Variants in OSBPL6 observed in about 807,000 individuals in gnomAD.
OSBPL6 encodes the protein oxysterol binding protein like 6, also known as oxysterol-binding protein-related protein 6.
In OSBPL6, 49 loss-of-function variants were observed where a neutral mutation model predicts 125.8. That is an observed-to-expected ratio of 0.39 (90% CI 0.31 to 0.49). The LOEUF is 0.49. Ranked by LOEUF, OSBPL6 falls within the 20% of genes least tolerant of loss-of-function variation. The probability of loss-of-function intolerance (pLI) is 0.88; values close to 1 mark genes in which losing one functional copy is unlikely to be tolerated. For missense variants in OSBPL6, 986 were observed against 1,135.4 expected, an observed-to-expected ratio of 0.87 and a Z score of 1.89; for synonymous variants, 394 against 391.8, an observed-to-expected ratio of 1.01 and a Z score of -0.07.
chr2:178,366,144 G>T (rs796371264), intron 13 of OSBPL6, among the ~76,000 whole-genome samples: 1 of 152,098 alleles, frequency 6.6e-6, no homozygotes, highest in Non-Finnish European at 1.5e-5. Context: ...CTCCCACCTC[G>T]GACTCCCGAA....
At position 178,400,679 on chromosome 2, in the gene OSBPL6, A is replaced by G. The variant is rs2154122948; in HGVS notation, c.*5120A>G. 6.6e-6 allele frequency: 1 copy of G among 152,366 alleles called. No individual in the cohort carries two copies. Among genetic ancestry groups the G allele is most frequent in the South Asian group, 2.1e-4 (1 of 4,832 alleles). The allele number at this position is 152,366 out of a possible 1,614,324, so 9.4% of individuals were successfully genotyped here. On this transcript the variant is annotated 3_prime_UTR_variant, in exon 25 of 25. Transcript: ENST00000190611. ...ACTTGATACAGTTTGATGTATGTAT[A>G]TACCCTTGACATAATCAAAATAGTG...
chr2:178,344,508 C>G (rs1690518705), intron 11 of OSBPL6: 2 of 707,480 alleles, frequency 2.8e-6, no homozygotes. Flanking sequence ...TGTTCTCTGG[C>G]TGTCTTTGCA....
intron 5 of OSBPL6, among the ~76,000 whole-genome samples, chr2:178,330,010 T>C (rs866088833): frequency 6.6e-6 from 1 of 152,212 alleles, no homozygotes; most frequent in Non-Finnish European, 1.5e-5. Context: ...AGAAACGATC[T>C]TTCCTGAACC....
chr2:178,340,931 C>G (rs904923289), intron 11 of OSBPL6, among the ~76,000 whole-genome samples: 6 of 152,042 alleles, frequency 3.9e-5, no homozygotes, highest in African/African-American at 1.4e-4. Flanking sequence ...TCAATAAACA[C>G]AACTTTTTGT....
intron 11 of OSBPL6, chr2:178,344,486 A>G (rs938331771): frequency 4.0e-5 from 34 of 853,758 alleles, no homozygotes; most frequent in Non-Finnish European, 5.9e-5. Context: ...TCATGGCAGC[A>G]TAGCTTTCAC....
At chr2:178,292,551 C>G (rs1685382668) in intron 2 of OSBPL6, among the ~76,000 whole-genome samples, 1 of 152,160 alleles carries the variant, frequency 6.6e-6, no homozygotes, top group Non-Finnish European at 1.5e-5. Context: ...TAAGAGTCAT[C>G]TAAATAGATG....
intron 1 of OSBPL6, among the ~76,000 whole-genome samples, chr2:178,238,860 C>G (rs909953094): frequency 5.9e-5 from 9 of 152,182 alleles, no homozygotes; most frequent in Admixed American, 4.6e-4. Flanking sequence ...TACTTCCCCC[C>G]AACTCATGTG....
In OSBPL6 at chr2:178,384,177, G is replaced by T. The variant is rs747558135; in HGVS notation, c.2013+1G>T. 1 of 1,613,386 alleles carries T rather than the reference G, an allele frequency of 6.2e-7. No homozygotes were observed. Among genetic ancestry groups the T allele is most frequent in the East Asian group, 2.2e-5 (1 of 44,858 alleles). On this transcript the variant is annotated splice_donor_variant, in intron 18 of 24. Transcript: ENST00000190611. LOFTEE classifies it high-confidence loss of function. ...GGGATTCCGCTTTTTCTCAGAACAG[G>T]TAAGCGCCACTGGACTCAGTGAGGT...
At chr2:178,251,299 T>C (rs1477876329) in intron 1 of OSBPL6, among the ~76,000 whole-genome samples, 2 of 151,906 alleles carry the variant, frequency 1.3e-5, no homozygotes, top group African/African-American at 4.8e-5. Context: ...AAGTTTTCAT[T>C]CGGTAAGCCG....
intron 22 of OSBPL6, 39 bp from the exon 23 acceptor site, chr2:178,392,373 C>T (rs1559331846): frequency 6.2e-7 from 1 of 1,609,646 alleles, no homozygotes; most frequent in Non-Finnish European, 8.5e-7. Flanking sequence ...GTTCCATAAA[C>T]CTTCTGCCTC....
In OSBPL6 at chr2:178,393,878, C is replaced by T. The variant is rs892968289; in HGVS notation, c.2574-435C>T. Among the ~76,000 whole-genome samples, 23 of 152,178 alleles carry T rather than the reference C, an allele frequency of 1.5e-4. 1 individual carries two copies. The highest frequency in any genetic ancestry group is 1.4e-3 in the Admixed American group (21 of 15,278). ...CCTCTCAGCCTGTTCTCAAAATAGA[C>T]GGAGAATAGCCAGTTACCATCCTCC... On this transcript the variant is annotated intron_variant, in intron 23 of 24. Coordinates refer to ENST00000190611, the MANE Select transcript of OSBPL6 (RefSeq NM_032523.4).
intron 1 of OSBPL6, chr2:178,230,560 A>G (rs75128709): frequency 5.9e-4 from 90 of 152,342 alleles, no homozygotes; most frequent in African/African-American, 2.1e-3. Flanking sequence ...AGAGAACTTG[A>G]GTCACCAAGA....
At chr2:178,264,694 C>T (rs550252916) in intron 1 of OSBPL6, among the ~76,000 whole-genome samples, 1 of 152,298 alleles carries the variant, frequency 6.6e-6, no homozygotes, top group South Asian at 2.1e-4. Context: ...CTAGCCCTTA[C>T]ATTGGGAATC....
At chr2:178,210,422 T>C (rs992127134) in intron 1 of OSBPL6, among the ~76,000 whole-genome samples, 7 of 152,096 alleles carry the variant, frequency 4.6e-5, no homozygotes, top group Non-Finnish European at 7.4e-5. Context: ...TGATTCAACC[T>C]AAGGATATTA....
chr2:178,376,802 C>A (rs977391732), intron 15 of OSBPL6, among the ~76,000 whole-genome samples: 3 of 152,188 alleles, frequency 2.0e-5, no homozygotes, highest in Non-Finnish European at 4.4e-5. Context: ...GTGTCCCTTG[C>A]TGTAGCAAGG....
intron 3 of OSBPL6, among the ~76,000 whole-genome samples, chr2:178,312,668 C>T (rs1687394805): frequency 1.3e-5 from 2 of 151,820 alleles, no homozygotes; most frequent in African/African-American, 4.8e-5. Flanking sequence ...GTTTGCCAGG[C>T]TAGTCTCAAA....
At chr2:178,260,909 G>A (rs1337422805) in intron 1 of OSBPL6, among the ~76,000 whole-genome samples, 1 of 152,172 alleles carries the variant, frequency 6.6e-6, no homozygotes, top group Non-Finnish European at 1.5e-5. Context: ...ACCTTGGGAG[G>A]TTGAGGCAGG....
At chr2:178,339,471 C>T (rs1689999838) in intron 10 of OSBPL6, among the ~76,000 whole-genome samples, 1 of 152,020 alleles carries the variant, frequency 6.6e-6, no homozygotes, top group Non-Finnish European at 1.5e-5. Context: ...TTTTGTTTAT[C>T]AGTAAAATAT....
At chr2:178,226,355 G>A (rs2090562071) in intron 1 of OSBPL6, among the ~76,000 whole-genome samples, 1 of 149,274 alleles carries the variant, frequency 6.7e-6, no homozygotes. Context: ...CATGCTGGTG[G>A]TGCAGTGGGC....
Sources: allele counts gnomAD v4.1 joint callset (sites outside exome capture counted in the v4.1 genomes callset), GRCh38; gene constraint gnomAD v4.1.1; transcripts MANE v1.5; gene names NCBI Gene and HGNC (gene_info 2026-07-23, HGNC 2026-07-21).